RAD21L1: variants seen among roughly 807,000 people sequenced by gnomAD.
RAD21L1 encodes double-strand-break repair protein rad21-like protein 1.
RAD21L1 carries 47 observed loss-of-function variants against 69.0 expected under a neutral mutation model. The ratio of observed to expected loss-of-function variants is 0.68; its 90% CI spans 0.54 to 0.87. The LOEUF (loss-of-function observed/expected upper bound fraction) is 0.87, where lower values mean the gene tolerates loss of function less well. RAD21L1 is among the 40% of genes least tolerant of loss of function. The pLI is 0.00. For synonymous variants in RAD21L1, 177 were observed against 205.8 expected (o/e 0.86, Z 1.20); for missense variants, 583 against 647.6 (o/e 0.90, Z 1.08).
rs1051642959 is a variant in RAD21L1 at position 1,228,372 on chromosome 20, TAAA to T, written c.-32-47_-32-45del. On this transcript the variant is annotated intron_variant, in intron 1 of 13. Transcript: ENST00000683101. ...TTAATACATATTTTTCTTATAGCAA[TAAA>T]AAGTTTTTGTAATAAAATTTTAAAT... 61 of 980,372 alleles carry T rather than the reference TAAA, an allele frequency of 6.2e-5. No homozygotes were observed. The African/African-American group carries it at 8.3e-4, about 13-fold the overall frequency. 60.7% of individuals were successfully genotyped at this position (980,372 alleles called of 1,614,324 possible).
chr20:1,254,329 C>G lies in RAD21L1; in HGVS notation c.1540C>G (p.Arg514Gly). The change falls in exon 14 of 14, where the codon CGA becomes GGA. Residue 514 changes from arginine (R) to glycine (G), a missense_variant. Transcript: ENST00000683101. ...GATGAAGCTCTGTAGAAATAGTGACCGAAAACAAGCAGCTGCCAAATTTTA... is the reference window on the plus strand; with the variant it reads ...GATGAAGCTCTGTAGAAATAGTGACGGAAAACAAGCAGCTGCCAAATTTTA... ...SLMKLCRNSD[R>G]KQAAAKFYSF... 1 of 1,551,034 alleles carries G rather than the reference C, an allele frequency of 6.4e-7. No individual in the cohort carries two copies.
chr20:1,238,264 C>G (rs1255786559), intron 6 of RAD21L1, 50 bp downstream of exon 6: 1 of 1,228,560 alleles, frequency 8.1e-7, no homozygotes, highest in Admixed American at 2.7e-5. Context: ...CATCAAATTA[C>G]TACAATATAT....
intron 2 of RAD21L1, among the ~76,000 whole-genome samples, chr20:1,229,391 GTATA>G (rs1434679690): frequency 3.3e-5 from 5 of 152,124 alleles, no homozygotes; most frequent in Non-Finnish European, 7.4e-5. Context: ...CATAAAATAA[GTATA>G]TAATAAATTG....
intron 11 of RAD21L1, among the ~76,000 whole-genome samples, chr20:1,244,946 A>G (rs926268658): frequency 2.4e-4 from 36 of 152,192 alleles, no homozygotes; most frequent in African/African-American, 8.2e-4. Context: ...ATTTGATAAT[A>G]TACTGGATAT....
rs1010737809 is a variant in RAD21L1, at chr20:1,246,534, A to C, written c.1401+229A>C. On this transcript the variant is annotated intron_variant, in intron 12 of 13. Transcript: ENST00000683101. This position sits in a 1 kb window ranked among gnomAD's most constrained non-coding sequence, Gnocchi z 4.6. The stretch of plus-strand genomic sequence containing the variant: ...TCTTTTGAAACTTCAAATACTTTTA[A>C]GGGAAAGTGTGAGGTTTTTGTGCTT... Among the ~76,000 whole-genome samples, 19 of 152,120 alleles carry C rather than the reference A, an allele frequency of 1.2e-4. No homozygotes were observed. The highest frequency in any genetic ancestry group is 2.4e-4 in the Non-Finnish European group (16 of 67,998).
chr20:1,245,986 G>A (rs1473513456), intron 11 of RAD21L1, among the ~76,000 whole-genome samples: 1 of 152,084 alleles, frequency 6.6e-6, no homozygotes, highest in Non-Finnish European at 1.5e-5. Flanking sequence ...AAGGAGGGAA[G>A]GGGCATGCAA....
chr20:1,249,652 A>G lies in RAD21L1; in HGVS notation c.1479+949A>G, dbSNP rs1265198106. ...GACCAGTACTTAGTCACATTGACGC[A>G]TCTAGCTGGGAAATGTAGTCTTTAT... On this transcript the variant is annotated intron_variant, in intron 13 of 13. Transcript: ENST00000683101. 2.6e-5 allele frequency among the ~76,000 whole-genome samples: 4 copies of G among 152,192 alleles called. No individual in the cohort carries two copies. The South Asian group carries it at 8.3e-4, about 32-fold the overall frequency.
chr20:1,255,607 G>T lies in RAD21L1; in HGVS notation c.*1150G>T, dbSNP rs1052346056. Among the ~76,000 whole-genome samples, 2 of 152,014 alleles carry T rather than the reference G, an allele frequency of 1.3e-5. No homozygotes were observed. The highest frequency in any genetic ancestry group is 6.6e-5 in the Admixed American group (1 of 15,266). ...TTTTAAATTAACATACAGAAAATTT[G>T]ACTTCTTAATTTTGGTGCACAGTTC... On this transcript the variant is annotated 3_prime_UTR_variant, in exon 14 of 14. Coordinates refer to ENST00000683101, the MANE Select transcript of RAD21L1 (RefSeq NM_001384355.1).
Position 1,248,629 on chromosome 20 carries a change from T to C in RAD21L1, c.1405T>C (p.Ser469Pro). Reference protein sequence around the residue: ...EIEYSPVELESLSNEENIETE... With the variant: ...EIEYSPVELEPLSNEENIETE... Reference sequence around the variant, plus strand: ...ATTTTATCTATCATTCAAACAGGAGTCATTGAGCAATGAAGAAAATATTGA... The same window carrying C: ...ATTTTATCTATCATTCAAACAGGAGCCATTGAGCAATGAAGAAAATATTGA... Residue 469 changes from serine (S) to proline (P), a missense_variant, in exon 13 of 14, where the codon TCA becomes CCA. Coordinates refer to ENST00000683101, the MANE Select transcript of RAD21L1 (RefSeq NM_001384355.1). The C allele has an allele frequency of 6.6e-7, 1 of 1,513,400 alleles. No individual in the cohort carries two copies. Among genetic ancestry groups the C allele is most frequent in the Non-Finnish European group, 8.9e-7 (1 of 1,118,464 alleles). 93.7% of individuals were successfully genotyped at this position (1,513,400 alleles called of 1,614,324 possible).
At chr20:1,229,152 T>G (rs1385002023) in intron 2 of RAD21L1, among the ~76,000 whole-genome samples, 2 of 152,348 alleles carry the variant, frequency 1.3e-5, no homozygotes, top group Non-Finnish European at 2.9e-5. Context: ...ATAAGTCTAT[T>G]TAATCTTTAC....
At position 1,242,972 on chromosome 20, in the gene RAD21L1, T is replaced by G. The variant is rs2087646442; in HGVS notation, c.1084-125T>G. 9.9e-6 allele frequency: 9 copies of G among 904,948 alleles called. No homozygotes were observed. The South Asian group carries it at 1.6e-4, about 16-fold the overall frequency. The allele number at this position is 904,948 out of a possible 1,614,324, so 56.1% of individuals were successfully genotyped here. ...AACTTGCGAAGAAGTACTTCCTCAT[T>G]TTGAATTAATTTTCTGTATTGTGTG... On this transcript the variant is annotated intron_variant, in intron 9 of 13. Coordinates refer to ENST00000683101, the MANE Select transcript of RAD21L1 (RefSeq NM_001384355.1).
rs7266477 is a variant in RAD21L1, at chr20:1,233,232, G to A, written c.369-853G>A. The stretch of plus-strand genomic sequence containing the variant: ...TTCAGGAGAGAGGTCTGAAGTGGAT[G>A]TATAAATTTGCAAGTTGTGAGTGTA... On this transcript the variant is annotated intron_variant, in intron 4 of 13. Transcript: ENST00000683101. Among the ~76,000 whole-genome samples the A allele has an allele frequency of 2.6e-3, 392 of 152,282 alleles. 1 individual carries two copies. The highest frequency in any genetic ancestry group is 9.0e-3 in the African/African-American group (374 of 41,538).
intron 11 of RAD21L1, among the ~76,000 whole-genome samples, chr20:1,245,872 G>A (rs912812035): frequency 2.0e-5 from 3 of 151,898 alleles, no homozygotes; most frequent in African/African-American, 4.8e-5. Context: ...GGGGAGTGGG[G>A]CTATATAAAA....
At chr20:1,238,701 CCTT>C (rs770850609) in intron 6 of RAD21L1, among the ~76,000 whole-genome samples, 1 of 152,046 alleles carries the variant, frequency 6.6e-6, no homozygotes, top group Non-Finnish European at 1.5e-5. Context: ...CAATTTATTG[CCTT>C]CTTTATTTTA....
chr20:1,248,968 T>C (rs1212606190), intron 13 of RAD21L1, among the ~76,000 whole-genome samples: 2 of 152,174 alleles, frequency 1.3e-5, no homozygotes, highest in Non-Finnish European at 2.9e-5. Flanking sequence ...TTTAGCATGA[T>C]ACCAACTAAT....
chr20:1,239,593 A>T (rs1483882996), intron 7 of RAD21L1, among the ~76,000 whole-genome samples, 186 bp downstream of exon 7: 1 of 152,220 alleles, frequency 6.6e-6, no homozygotes, highest in East Asian at 1.9e-4. Context: ...ACTGAAGGGT[A>T]TTTAGCCAGG....
intron 13 of RAD21L1, among the ~76,000 whole-genome samples, chr20:1,249,844 C>T (rs1176054343): frequency 6.6e-6 from 1 of 152,004 alleles, no homozygotes; most frequent in East Asian, 1.9e-4. Context: ...TTTGTCATTA[C>T]CTCATTTTTT....
At chr20:1,228,368 G>T in intron 1 of RAD21L1, 54 bp from the exon 2 acceptor site, 1 of 858,536 alleles carries the variant, frequency 1.2e-6, no homozygotes, top group Non-Finnish European at 1.7e-6. Context: ...TTTTCTTATA[G>T]CAATAAAAAG....
chr20:1,227,262 T>C (rs1474653128), intron 1 of RAD21L1, among the ~76,000 whole-genome samples: 1 of 152,240 alleles, frequency 6.6e-6, no homozygotes, highest in Admixed American at 6.5e-5. Flanking sequence ...TTTAAAAAGA[T>C]AAATAGGAAT....
Sources: allele counts gnomAD v4.1 joint callset (sites outside exome capture counted in the v4.1 genomes callset), GRCh38; gene constraint gnomAD v4.1.1; non-coding constraint Gnocchi (gnomAD v3.1); transcripts MANE v1.5; gene names NCBI Gene and HGNC (gene_info 2026-07-23, HGNC 2026-07-21).